The following ATP2B2 variants were observed in gnomAD, a reference collection of about 807,000 sequenced individuals.
ATP2B2 encodes the protein plasma membrane calcium-transporting ATPase 2.
A neutral mutation model predicts 120.0 loss-of-function variants in ATP2B2; 15 were observed. That is an observed-to-expected ratio of 0.12 (90% CI 0.08 to 0.19). The LOEUF (loss-of-function observed/expected upper bound fraction) is 0.19. ATP2B2 is among the 10% of genes least tolerant of loss of function. ATP2B2 has a pLI of 1.00. For synonymous variants in ATP2B2, 694 were observed against 700.3 expected (o/e 0.99, Z 0.14); for missense variants, 1,045 against 1,719.8 (o/e 0.61, Z 6.94).
intron 22 of ATP2B2, among the ~76,000 whole-genome samples, chr3:10,333,354 G>A (rs1379878610): frequency 1.3e-5 from 2 of 152,144 alleles, no homozygotes; most frequent in South Asian, 2.1e-4. Context: ...GTAGTGGGGC[G>A]GCCCACTTCC....
At chr3:10,577,051 CAAAAA>C (rs71055823) in intron 2 of ATP2B2, among the ~76,000 whole-genome samples, 173 of 109,348 alleles carry the variant, frequency 1.6e-3, no homozygotes, top group Admixed American at 1.8e-3. Context: ...GACTCTGTGT[CAAAAA>C]AAAAAAAAAA....
At chr3:10,454,254 G>A (rs1424913534) in intron 1 of ATP2B2, among the ~76,000 whole-genome samples, 1 of 152,212 alleles carries the variant, frequency 6.6e-6, no homozygotes, top group East Asian at 1.9e-4. Context: ...ACACAAAGCA[G>A]GAAGACCTGA....
rs147616326 is a variant in ATP2B2 at position 10,594,711 on chromosome 3, TATAATA to T, written c.-415+25200_-415+25205del. On this transcript the variant is annotated intron_variant, in intron 2 of 21. Coordinates refer to the ATP2B2 transcript ENST00000646379. ...TGCACATGTACCCTAGAACTTAAAG[TATAATA>T]ATAATAATAATAATAATAATAATAA... Among the ~76,000 whole-genome samples the T allele has an allele frequency of 4.3e-3, 645 of 149,694 alleles. 9 individuals are homozygous for T. The highest frequency in any genetic ancestry group is 0.02 in the South Asian group (94 of 4,720).
intron 22 of ATP2B2, among the ~76,000 whole-genome samples, chr3:10,331,236 T>A (rs2059970665): frequency 1.3e-5 from 2 of 152,368 alleles, no homozygotes; most frequent in South Asian, 4.1e-4. Flanking sequence ...TCTGCAGAGA[T>A]GGTTCATATT....
At chr3:10,686,248 G>C (rs943717505) in intron 1 of ATP2B2, among the ~76,000 whole-genome samples, 1 of 152,046 alleles carries the variant, frequency 6.6e-6, no homozygotes, top group African/African-American at 2.4e-5. Flanking sequence ...TCAAACTCTA[G>C]ACAGTTTCCT....
intron 2 of ATP2B2, among the ~76,000 whole-genome samples, chr3:10,434,485 AT>A (rs1460990788): frequency 6.6e-6 from 1 of 152,262 alleles, no homozygotes; most frequent in Admixed American, 6.5e-5. Context: ...TACTCTGGCC[AT>A]AAATGGGAGA....
chr3:10,490,400 CTTTT>C (rs34189325), intron 1 of ATP2B2, among the ~76,000 whole-genome samples: 1 of 136,838 alleles, frequency 7.3e-6, no homozygotes, highest in Non-Finnish European at 1.5e-5. Context: ...CCACGGCATT[CTTTT>C]TTTTTTTTTT....
intron 14 of ATP2B2, among the ~76,000 whole-genome samples, chr3:10,352,231 CA>C (rs1209157277): frequency 6.6e-6 from 1 of 152,248 alleles, no homozygotes; most frequent in Non-Finnish European, 1.5e-5. Flanking sequence ...GGCAGGAGGG[CA>C]GGGGCCATGG....
upstream of ATP2B2, among the ~76,000 whole-genome samples, chr3:10,506,683 T>C (rs1373482726): frequency 6.6e-6 from 1 of 151,792 alleles, no homozygotes; most frequent in Non-Finnish European, 1.5e-5. Flanking sequence ...GCACTGAAGG[T>C]GGAAGGACCT....
intron 1 of ATP2B2, among the ~76,000 whole-genome samples, chr3:10,686,669 C>T (rs909601640): frequency 8.6e-5 from 13 of 151,954 alleles, no homozygotes; most frequent in African/African-American, 2.9e-4. Context: ...AAAAAAAGCA[C>T]GCAATCATTC....
At chr3:10,692,859 C>G (rs1471533552) in intron 1 of ATP2B2, among the ~76,000 whole-genome samples, 1 of 118,174 alleles carries the variant, frequency 8.5e-6, no homozygotes, top group Non-Finnish European at 1.6e-5. Flanking sequence ...CCGCCAGACA[C>G]TGTGCACTCA....
At chr3:10,525,864 A>G (rs1341201000) in intron 3 of ATP2B2, among the ~76,000 whole-genome samples, 2 of 151,422 alleles carry the variant, frequency 1.3e-5, no homozygotes, top group African/African-American at 4.9e-5. Flanking sequence ...AGTCCCCAGG[A>G]CTCCCTGTTA....
intron 2 of ATP2B2, among the ~76,000 whole-genome samples, chr3:10,568,865 G>T (rs576532077): frequency 6.6e-6 from 1 of 152,260 alleles, no homozygotes; most frequent in African/African-American, 2.4e-5. Context: ...TCCCTGCCTG[G>T]CTTTTGTTTG....
intron 2 of ATP2B2, among the ~76,000 whole-genome samples, chr3:10,593,328 A>T (rs941227009): frequency 3.3e-5 from 5 of 152,226 alleles, no homozygotes; most frequent in African/African-American, 1.2e-4. Context: ...TGGTTAAGTC[A>T]TTCACAGCCA....
rs1311207892 is a variant in ATP2B2, at chr3:10,375,420, C to A, written c.1416+10G>T. 4 of 1,608,222 alleles carry A rather than the reference C, an allele frequency of 2.5e-6. No homozygotes were observed. On this transcript the variant is annotated intron_variant, in intron 11 of 22. Coordinates refer to ENST00000360273, the MANE Select transcript of ATP2B2 (RefSeq NM_001001331.4). This position sits in a 1 kb window ranked among gnomAD's most constrained non-coding sequence, Gnocchi z 4.2. ...ATCAGCCGGCTGGTCCTGCTCTCCT[C>A]CCCTCTCACCTTCACCGAATAGGCC...
At chr3:10,472,841 G>A (rs2065066972) in intron 1 of ATP2B2, among the ~76,000 whole-genome samples, 1 of 152,232 alleles carries the variant, frequency 6.6e-6, no homozygotes, top group Non-Finnish European at 1.5e-5. Flanking sequence ...TACAGTAGCA[G>A]TGTCGGCTAA....
chr3:10,512,464 G>GCGCGCGCACGCGCACA (rs749056818), intron 3 of ATP2B2, among the ~76,000 whole-genome samples: 1 of 137,026 alleles, frequency 7.3e-6, no homozygotes, highest in African/African-American at 2.9e-5. Context: ...AAGTGTGTGC[G>GCGCGCGCACGCGCACA]CACACACACA....
intron 1 of ATP2B2, among the ~76,000 whole-genome samples, chr3:10,489,699 G>A (rs1181705083): frequency 3.3e-5 from 5 of 152,068 alleles, no homozygotes; most frequent in Admixed American, 3.3e-4. Flanking sequence ...CCCATGCCCT[G>A]CTCTCCTGGG....
intron 1 of ATP2B2, among the ~76,000 whole-genome samples, chr3:10,497,078 G>T (rs1419096244): frequency 6.6e-6 from 1 of 152,276 alleles, no homozygotes; most frequent in Admixed American, 6.5e-5. Context: ...TGTGGGCAGG[G>T]TGGGCATCCC....
Sources: allele counts gnomAD v4.1 joint callset (sites outside exome capture counted in the v4.1 genomes callset), GRCh38; gene constraint gnomAD v4.1.1; non-coding constraint Gnocchi (gnomAD v3.1); transcripts MANE v1.5; gene names NCBI Gene and HGNC (gene_info 2026-07-23, HGNC 2026-07-21).